THSD7A: variants seen among roughly 807,000 people sequenced by gnomAD.
THSD7A encodes the protein thrombospondin type-1 domain-containing protein 7A.
Under a neutral mutation model 231.3 loss-of-function variants are expected in THSD7A, and 96 were observed. That is an observed-to-expected ratio of 0.41 (90% confidence interval 0.35 to 0.49). THSD7A has a LOEUF of 0.49. Among genes scored for constraint, THSD7A ranks in the 20% least tolerant of loss-of-function variants. THSD7A has a pLI of 0.05. For synonymous variants in THSD7A, 940 were observed against 743.3 expected (o/e 1.26, Z -4.30); for missense variants, 2,290 against 2,070.2 (o/e 1.11, Z -2.06).
At position 11,549,618 on chromosome 7, in the gene THSD7A, G is replaced by T. The variant is rs145521913; in HGVS notation, c.1454-6501C>A. Among the ~76,000 whole-genome samples the T allele has an allele frequency of 7.5e-3, 1,146 of 152,206 alleles. 17 individuals are homozygous for T. Among genetic ancestry groups the T allele is most frequent in the African/African-American group, 0.026 (1,092 of 41,532 alleles). On this transcript the variant is annotated intron_variant, in intron 4 of 27. Transcript: ENST00000423059. ...TAGCCATTAAAAGGAATGAGATCAT[G>T]TCTTTGAAGGGACATGGATGGAGCT...
chr7:11,633,334 T>C (rs1781722744), intron 2 of THSD7A, among the ~76,000 whole-genome samples: 1 of 152,174 alleles, frequency 6.6e-6, no homozygotes, highest in Non-Finnish European at 1.5e-5. Flanking sequence ...TAGAATTCTC[T>C]TCCACTAGTT....
intron 9 of THSD7A, among the ~76,000 whole-genome samples, chr7:11,464,802 G>A (rs1406339823): frequency 6.6e-6 from 1 of 152,146 alleles, no homozygotes; most frequent in African/African-American, 2.4e-5. Context: ...GGGTTACACA[G>A]GAAGTGTCAA....
chr7:11,795,043 T>G (rs1479497018), intron 1 of THSD7A, among the ~76,000 whole-genome samples: 2 of 151,988 alleles, frequency 1.3e-5, no homozygotes, highest in Non-Finnish European at 1.5e-5. Context: ...GTATTCTATC[T>G]AAAAGTTAGA....
chr7:11,435,619 C>T (rs1013656121), intron 13 of THSD7A, among the ~76,000 whole-genome samples: 1 of 151,974 alleles, frequency 6.6e-6, no homozygotes, highest in African/African-American at 2.4e-5. Context: ...TGCCTCCTGC[C>T]TCCACTAAAG....
At chr7:11,428,538 CA>C (rs910856099) in intron 14 of THSD7A, among the ~76,000 whole-genome samples, 38 of 151,968 alleles carry the variant, frequency 2.5e-4, no homozygotes, top group African/African-American at 8.7e-4. Flanking sequence ...AATTTTAGAC[CA>C]AAACCCATAT....
At chr7:11,734,109 A>C (rs1412429197) in intron 1 of THSD7A, among the ~76,000 whole-genome samples, 1 of 151,880 alleles carries the variant, frequency 6.6e-6, no homozygotes, top group South Asian at 2.1e-4. Context: ...GTCATGTCCA[A>C]TTAGCCCCCA....
chr7:11,531,904 G>T (rs999615617), intron 6 of THSD7A, among the ~76,000 whole-genome samples: 1 of 152,166 alleles, frequency 6.6e-6, no homozygotes, highest in East Asian at 1.9e-4. Context: ...GCCAGATTCA[G>T]TATGTCCACA....
intron 9 of THSD7A, among the ~76,000 whole-genome samples, chr7:11,464,821 A>G (rs963730483): frequency 1.3e-4 from 20 of 152,270 alleles, no homozygotes; most frequent in African/African-American, 4.3e-4. Context: ...AATGACATCT[A>G]TGTTTTTACC....
intron 2 of THSD7A, among the ~76,000 whole-genome samples, chr7:11,627,251 A>G (rs1361777953): frequency 1.3e-5 from 2 of 152,108 alleles, no homozygotes; most frequent in Admixed American, 1.3e-4. Context: ...AGTAAAATAA[A>G]AAAAATTAAA....
intron 2 of THSD7A, among the ~76,000 whole-genome samples, chr7:11,594,110 T>C (rs1029717561): frequency 1.3e-5 from 2 of 152,138 alleles, no homozygotes; most frequent in Non-Finnish European, 2.9e-5. Context: ...AAGAGTAGAC[T>C]GGCCTAACCT....
intron 1 of THSD7A, among the ~76,000 whole-genome samples, chr7:11,651,895 G>T (rs998930997): frequency 6.6e-6 from 1 of 151,798 alleles, no homozygotes; most frequent in Non-Finnish European, 1.5e-5. Context: ...ATTATCAATT[G>T]TATACCTCAA....
At chr7:11,665,895 T>C (rs62434555) in intron 1 of THSD7A, among the ~76,000 whole-genome samples, 32,671 of 152,072 alleles carry the variant, frequency 0.21, 3,542 homozygotes, top group Non-Finnish European at 0.24. Flanking sequence ...AGACAACATA[T>C]AGTAATGTAT....
At position 11,831,843 on chromosome 7, in the gene THSD7A, A is replaced by AGCAGCGGCAGCGGCAGCG. The variant is rs536177295; in HGVS notation, c.86_103dup (p.Pro29_Leu34dup). 51 of 1,359,988 alleles carry AGCAGCGGCAGCGGCAGCG rather than the reference A, an allele frequency of 3.8e-5. 1 individual carries two copies. In the South Asian group the frequency reaches 3.9e-4, roughly 10 times the overall value. 84.2% of individuals were successfully genotyped at this position (1,359,988 alleles called of 1,614,324 possible). On this transcript the variant is annotated inframe_insertion, in exon 1 of 28. Transcript: ENST00000423059. This position sits in a 1 kb window ranked among gnomAD's most constrained non-coding sequence, Gnocchi z 5.0. ...GCCCGGGCGTAGCAGCAGCAGCAGGAGCAGCGGCAGCGGCAGCGGCAGCGG... is the reference window on the plus strand; with the variant it reads ...GCCCGGGCGTAGCAGCAGCAGCAGGAGCAGCGGCAGCGGCAGCGGCAGCGGCAGCGGCAGCGGCAGCGG...
chr7:11,817,518 G>C (rs1299518608), intron 1 of THSD7A, among the ~76,000 whole-genome samples: 8 of 152,204 alleles, frequency 5.3e-5, no homozygotes, highest in Admixed American at 5.2e-4. Flanking sequence ...CAGATGCAGA[G>C]AAGCTTGACA....
intron 26 of THSD7A, chr7:11,378,859 G>C (rs1269855572): frequency 5.4e-6 from 3 of 552,198 alleles, no homozygotes; most frequent in Admixed American, 6.5e-5. Context: ...TTTCTCAGAA[G>C]AATGTAATTT....
At chr7:11,682,130 T>A (rs1337214568) in intron 1 of THSD7A, among the ~76,000 whole-genome samples, 4 of 152,156 alleles carry the variant, frequency 2.6e-5, no homozygotes, top group South Asian at 2.1e-4. Context: ...AACAAAAGAA[T>A]CATACTTGCT....
chr7:11,424,652 T>C, intron 16 of THSD7A, 44 bp downstream of exon 16: 4 of 1,609,878 alleles, frequency 2.5e-6, no homozygotes, highest in South Asian at 1.1e-5. Flanking sequence ...AATTGGGAGA[T>C]AGTTTTGTGT....
chr7:11,704,607 G>A (rs1780705500), intron 1 of THSD7A, among the ~76,000 whole-genome samples: 1 of 150,782 alleles, frequency 6.6e-6, no homozygotes, highest in African/African-American at 2.4e-5. Flanking sequence ...TTTTTGCCAA[G>A]GGACCTTTGG....
chr7:11,816,184 C>G (rs891115838), intron 1 of THSD7A, among the ~76,000 whole-genome samples: 1 of 152,160 alleles, frequency 6.6e-6, no homozygotes, highest in Non-Finnish European at 1.5e-5. Context: ...CATGTTTGTT[C>G]CCCTGCACCT....
Sources: allele counts gnomAD v4.1 joint callset (sites outside exome capture counted in the v4.1 genomes callset), GRCh38; gene constraint gnomAD v4.1.1; non-coding constraint Gnocchi (gnomAD v3.1); transcripts MANE v1.5; gene names NCBI Gene and HGNC (gene_info 2026-07-23, HGNC 2026-07-21).